Variants in RIC1 observed in about 807,000 individuals in gnomAD.
RIC1 encodes RIC1 partner of RAB6A GEF complex, also known as guanine nucleotide exchange factor subunit RIC1.
Under a neutral mutation model 169.0 loss-of-function variants are expected in RIC1, and 88 were observed. That is an observed-to-expected ratio of 0.52 (90% CI 0.44 to 0.62). The LOEUF (loss-of-function observed/expected upper bound fraction) is 0.62. Ranked by LOEUF, RIC1 falls within the 20% of genes least tolerant of loss-of-function variation. RIC1 has a pLI of 0.00. For missense variants in RIC1, 1,877 were observed against 1,725.5 expected, an observed-to-expected ratio of 1.09 and a Z score of -1.56; for synonymous variants, 790 against 601.5, an observed-to-expected ratio of 1.31 and a Z score of -4.59.
intron 19 of RIC1, among the ~76,000 whole-genome samples, chr9:5,764,487 GTTGGTTA>G (rs1826558442): frequency 6.6e-6 from 1 of 152,360 alleles, no homozygotes; most frequent in African/African-American, 2.4e-5. Flanking sequence ...GGGCTTGACA[GTTGGTTA>G]TTTGATAGGC....
At chr9:5,710,657 G>GA (rs1231792621) in intron 3 of RIC1, among the ~76,000 whole-genome samples, 1 of 151,982 alleles carries the variant, frequency 6.6e-6, no homozygotes, top group Non-Finnish European at 1.5e-5. Flanking sequence ...ACACATACCA[G>GA]AAAAAAGGAA....
In RIC1 at chr9:5,700,417, T is replaced by G. The variant is rs535600784; in HGVS notation, c.332+10379T>G. Among the ~76,000 whole-genome samples the G allele has an allele frequency of 5.8e-4, 88 of 152,288 alleles. 2 individuals are homozygous for G. In the Middle Eastern group the frequency reaches 0.014, roughly 24 times the overall value. The stretch of plus-strand genomic sequence containing the variant: ...TATTTATTTAGAGTTTACTTTGGAT[T>G]AAAAATATTCAATTTATTAGAGCTT... On this transcript the variant is annotated intron_variant, in intron 3 of 25. Coordinates refer to ENST00000414202, the MANE Select transcript of RIC1 (RefSeq NM_020829.4).
chr9:5,743,691 A>G lies in RIC1; in HGVS notation c.1049A>G (p.Tyr350Cys), dbSNP rs773975974. The change falls in exon 10 of 26, where the codon TAT (tyrosine) becomes TGT (cysteine). Residue 350 changes from tyrosine (Y) to cysteine (C), a missense_variant and splice_region_variant. Tyr to Cys is a radical substitution (Grantham distance 194). This residue lies in a region of RIC1 where 1,104 missense variants were observed against 992.0 expected (regional missense o/e 1.11). Transcript: ENST00000414202. The stretch of plus-strand genomic sequence containing the variant: ...ATTTAGTTTCTGTTCTGTTTCAGTT[A>G]TAGGTCTGATGGCACCAAAAAAGAT... ...LICTLGGDFAYRSDGTKKDPL... is the reference protein window; with the variant it reads ...LICTLGGDFACRSDGTKKDPL... 2 of 1,605,098 alleles carry G rather than the reference A, an allele frequency of 1.2e-6. No individual in the cohort carries two copies. Among genetic ancestry groups the G allele is most frequent in the Non-Finnish European group, 1.7e-6 (2 of 1,172,990 alleles).
rs1244352176 is a variant in RIC1 at position 5,776,327 on chromosome 9, G to C, written c.*2081G>C. ...AAAACCCATTTTTATTGTGGTGTTT[G>C]GTTCACATATCAACTGTTTAAGCCA... On this transcript the variant is annotated 3_prime_UTR_variant, in exon 26 of 26. Transcript: ENST00000414202. 1 of 151,934 alleles carries C rather than the reference G, an allele frequency of 6.6e-6. No homozygotes were observed. Among genetic ancestry groups the C allele is most frequent in the Non-Finnish European group, 1.5e-5 (1 of 67,940 alleles). 9.4% of individuals were successfully genotyped at this position (151,934 alleles called of 1,614,324 possible).
chr9:5,705,103 C>T (rs908883082), intron 3 of RIC1, among the ~76,000 whole-genome samples: 6 of 151,784 alleles, frequency 4.0e-5, no homozygotes, highest in Non-Finnish European at 8.8e-5. Context: ...TGTGAATTCT[C>T]CAACTTTGTT....
chr9:5,705,657 C>G (rs1481445425), intron 3 of RIC1, among the ~76,000 whole-genome samples: 1 of 152,070 alleles, frequency 6.6e-6, no homozygotes, highest in East Asian at 1.9e-4. Flanking sequence ...TCTAGAATGT[C>G]CAGTATTATG....
chr9:5,675,314 G>A (rs1820376868), intron 2 of RIC1, among the ~76,000 whole-genome samples: 1 of 152,114 alleles, frequency 6.6e-6, no homozygotes, highest in Admixed American at 6.5e-5. Context: ...GTAGGTAATC[G>A]GAATGAGTCA....
intron 2 of RIC1, among the ~76,000 whole-genome samples, chr9:5,687,365 C>T (rs1253457014): frequency 6.6e-6 from 1 of 152,076 alleles, no homozygotes; most frequent in Non-Finnish European, 1.5e-5. Flanking sequence ...CATGCTTCCC[C>T]ACCCTCCACC....
intron 2 of RIC1, among the ~76,000 whole-genome samples, chr9:5,682,779 G>A (rs1395084438): frequency 3.9e-5 from 6 of 152,140 alleles, no homozygotes; most frequent in East Asian, 3.9e-4. Context: ...CATTCTCCCC[G>A]TCACTTTCAG....
Position 5,703,264 on chromosome 9 carries a change from A to C in RIC1, c.333-10632A>C, listed in dbSNP as rs187632215. 6.6e-5 allele frequency among the ~76,000 whole-genome samples: 10 copies of C among 152,346 alleles called. No homozygotes were observed. The East Asian group carries it at 1.9e-3, about 29-fold the overall frequency. ...ACTCCCGTTCCGAAAGGGAAGAATC[A>C]GCCAAAAGAAAGGGACTATAAGCCC... On this transcript the variant is annotated intron_variant, in intron 3 of 25. Transcript: ENST00000414202.
In RIC1 at chr9:5,753,211, C is replaced by T. The variant is rs761677690; in HGVS notation, c.1464C>T (p.Thr488=). ...RHWHVVQISS[T]YLESNWPIRF... is the part of the protein sequence containing the mutation. ...GTTATTTTCTATAGATTTCCAGCAC[C>T]TATCTAGAGAGCAATTGGCCTATAC... is the stretch of plus-strand genomic sequence containing the variant. Residue 488 remains threonine, a synonymous_variant, in exon 13 of 26, where the codon ACC becomes ACT. Coordinates refer to ENST00000414202, the MANE Select transcript of RIC1 (RefSeq NM_020829.4). 3 of 1,613,074 alleles carry T rather than the reference C, an allele frequency of 1.9e-6. No individual in the cohort carries two copies. Among genetic ancestry groups the T allele is most frequent in the Admixed American group, 3.3e-5 (2 of 60,020 alleles).
At chr9:5,662,958 T>A (rs938469124) in intron 2 of RIC1, among the ~76,000 whole-genome samples, 3 of 152,216 alleles carry the variant, frequency 2.0e-5, no homozygotes, top group African/African-American at 7.2e-5. Flanking sequence ...AGCTTTTTGA[T>A]GTGGGCATGT....
chr9:5,732,253 G>C (rs943755181), intron 6 of RIC1, 135 bp from the exon 7 acceptor site: 1 of 663,188 alleles, frequency 1.5e-6, no homozygotes, highest in African/African-American at 1.8e-5. Flanking sequence ...TGGTAGTCCT[G>C]GTGGGATATT....
intron 7 of RIC1, 110 bp from the exon 8 acceptor site, chr9:5,738,340 G>C: frequency 1.5e-6 from 1 of 687,368 alleles, no homozygotes; most frequent in Non-Finnish European, 2.5e-6. Context: ...TTGACAAAGT[G>C]GTTTTGTTCT....
chr9:5,638,980 A>G (rs1004033632), intron 1 of RIC1, among the ~76,000 whole-genome samples: 24 of 152,176 alleles, frequency 1.6e-4, no homozygotes, highest in Admixed American at 1.0e-3. Flanking sequence ...CAGTGGTGCA[A>G]TCTCGTCTCA....
intron 1 of RIC1, among the ~76,000 whole-genome samples, chr9:5,640,349 TAAAGTGTAATTA>T (rs1181194532): frequency 3.3e-5 from 5 of 152,226 alleles, no homozygotes; most frequent in Non-Finnish European, 7.3e-5. Context: ...ACAAAGTGTT[TAAAGTGTAATTA>T]AAAGTGTAAT....
intron 2 of RIC1, among the ~76,000 whole-genome samples, chr9:5,669,718 AAG>A (rs1819980258): frequency 6.6e-6 from 1 of 152,192 alleles, no homozygotes; most frequent in African/African-American, 2.4e-5. Context: ...TGCAGTGGCA[AAG>A]AGAGATTGGG....
intron 2 of RIC1, among the ~76,000 whole-genome samples, chr9:5,658,677 A>T (rs1347452243): frequency 6.6e-6 from 1 of 152,132 alleles, no homozygotes; most frequent in Non-Finnish European, 1.5e-5. Flanking sequence ...AGTTGGACAG[A>T]TTTACAAAGT....
At chr9:5,728,035 A>G (rs1587041751) in intron 6 of RIC1, among the ~76,000 whole-genome samples, 2 of 151,984 alleles carry the variant, frequency 1.3e-5, no homozygotes, top group African/African-American at 4.8e-5. Context: ...CAGACCTCAG[A>G]CTCCGTGCTG....
Sources: gnomAD v4.1 joint callset for allele counts (sites outside exome capture counted in the v4.1 genomes callset) on GRCh38, gnomAD v4.1.1 for gene constraint, gnomAD v4.1.1 regional missense constraint, MANE v1.5 for transcripts, NCBI Gene and HGNC (gene_info 2026-07-23, HGNC 2026-07-21) for gene names.